DCLK2: variants seen among roughly 807,000 people sequenced by gnomAD.
DCLK2 encodes the protein doublecortin like kinase 2, also known as serine/threonine-protein kinase DCLK2.
A neutral mutation model predicts 78.4 loss-of-function variants in DCLK2; 31 were observed. The observed-to-expected ratio is 0.40, with a 90% CI of 0.30 to 0.53. The LOEUF (loss-of-function observed/expected upper bound fraction) is 0.53, where lower values mean the gene tolerates loss of function less well. DCLK2 is among the 20% of genes least tolerant of loss of function. The probability of loss-of-function intolerance (pLI) is 0.61; values close to 1 mark genes in which losing one functional copy is unlikely to be tolerated. For synonymous variants in DCLK2, 407 were observed against 374.9 expected (o/e 1.09, Z -0.99); for missense variants, 872 against 973.7 (o/e 0.90, Z 1.39).
intron 12 of DCLK2, among the ~76,000 whole-genome samples, chr4:150,244,710 A>G (rs976866877): frequency 6.6e-6 from 1 of 152,256 alleles, no homozygotes; most frequent in Non-Finnish European, 1.5e-5. Context: ...ATGACTGCTA[A>G]GAAAGATAAA....
At chr4:150,250,174 A>G (rs1743657806) in intron 15 of DCLK2, among the ~76,000 whole-genome samples, 1 of 152,222 alleles carries the variant, frequency 6.6e-6, no homozygotes, top group Non-Finnish European at 1.5e-5. Context: ...TTAAAGGTAC[A>G]TAATCAAGGA....
intron 2 of DCLK2, among the ~76,000 whole-genome samples, chr4:150,150,729 C>T (rs1313949304): frequency 6.6e-6 from 1 of 152,118 alleles, no homozygotes; most frequent in East Asian, 1.9e-4. Context: ...TGCCTAATGC[C>T]CCAAAATAGA....
At chr4:150,138,041 C>G (rs536095051) in intron 2 of DCLK2, among the ~76,000 whole-genome samples, 1 of 152,246 alleles carries the variant, frequency 6.6e-6, no homozygotes, top group South Asian at 2.1e-4. Context: ...GGGCTATGTT[C>G]ATGAAATTTT....
At chr4:150,086,653 C>T (rs1729670290) in intron 1 of DCLK2, among the ~76,000 whole-genome samples, 1 of 151,928 alleles carries the variant, frequency 6.6e-6, no homozygotes, top group African/African-American at 2.4e-5. Flanking sequence ...ACTACAGGCG[C>T]CCACCACCAC....
chr4:150,081,639 T>C (rs1729287263), intron 1 of DCLK2, among the ~76,000 whole-genome samples: 1 of 152,124 alleles, frequency 6.6e-6, no homozygotes, highest in Admixed American at 6.5e-5. Flanking sequence ...AATGGGTCTT[T>C]GTTTAATTCT....
intron 2 of DCLK2, among the ~76,000 whole-genome samples, chr4:150,169,725 T>C (rs1238425643): frequency 6.6e-6 from 1 of 151,476 alleles, no homozygotes; most frequent in African/African-American, 2.4e-5. Context: ...CATTTATGGA[T>C]AGAAATAGAA....
chr4:150,240,583 C>T (rs1282270742), intron 12 of DCLK2, 107 bp downstream of exon 12: 2 of 630,284 alleles, frequency 3.2e-6, no homozygotes, highest in Non-Finnish European at 4.7e-6. Flanking sequence ...ATTAAAAATG[C>T]CAGTTAAAAA....
At chr4:150,091,158 T>C (rs1730033840) in intron 1 of DCLK2, among the ~76,000 whole-genome samples, 2 of 152,220 alleles carry the variant, frequency 1.3e-5, no homozygotes, top group Non-Finnish European at 2.9e-5. Flanking sequence ...TGGGAACTCA[T>C]CTGTGATGTA....
intron 1 of DCLK2, among the ~76,000 whole-genome samples, chr4:150,084,502 A>G (rs1729515280): frequency 6.6e-6 from 1 of 152,334 alleles, no homozygotes; most frequent in South Asian, 2.1e-4. Flanking sequence ...AAACAAGGAA[A>G]ATAAGATGTG....
chr4:150,187,874 A>C (rs1425520338), intron 2 of DCLK2, among the ~76,000 whole-genome samples: 2 of 146,926 alleles, frequency 1.4e-5, no homozygotes, highest in East Asian at 4.0e-4. Flanking sequence ...ATCTCGGCTC[A>C]CTGCAACCTC....
chr4:150,187,249 T>C (rs1738025131), intron 2 of DCLK2, among the ~76,000 whole-genome samples: 1 of 152,114 alleles, frequency 6.6e-6, no homozygotes, highest in African/African-American at 2.4e-5. Flanking sequence ...TACTGCAGCC[T>C]CAAACTGCTT....
intron 8 of DCLK2, 83 bp from the exon 9 acceptor site, chr4:150,232,254 T>C: frequency 6.6e-7 from 1 of 1,512,330 alleles, no homozygotes; most frequent in Admixed American, 2.0e-5. Flanking sequence ...CCACAGGCTG[T>C]GTTTGTTTTG....
intron 2 of DCLK2, among the ~76,000 whole-genome samples, chr4:150,156,813 T>C (rs1735317475): frequency 6.6e-6 from 1 of 151,686 alleles, no homozygotes; most frequent in South Asian, 2.1e-4. Flanking sequence ...AGTCTTGCTC[T>C]GCTACCCAGG....
Position 150,203,818 on chromosome 4 carries a change from C to A in DCLK2, c.985C>A (p.Leu329Ile). 6.2e-7 allele frequency: 1 copy of A among 1,613,980 alleles called. No homozygotes were observed. The highest frequency in any genetic ancestry group is 1.1e-5 in the South Asian group (1 of 91,076). ...AGTTAATGGAACTCCCAGCAGCCAACTTTCTACTCCTAAATCTACGAAATC... is the reference window on the plus strand; with the variant it reads ...AGTTAATGGAACTCCCAGCAGCCAAATTTCTACTCCTAAATCTACGAAATC... ...ASVNGTPSSQ[L>I]STPKSTKSSS... Residue 329 changes from leucine (L) to isoleucine (I), a missense_variant, in exon 5 of 16, where the codon CTT becomes ATT. Coordinates refer to ENST00000296550, the MANE Select transcript of DCLK2 (RefSeq NM_001040260.4).
At chr4:150,243,150 A>T (rs1356458099) in intron 12 of DCLK2, among the ~76,000 whole-genome samples, 1 of 152,186 alleles carries the variant, frequency 6.6e-6, no homozygotes, top group African/African-American at 2.4e-5. Context: ...CTCAAATTGA[A>T]GAGGATGCAT....
At chr4:150,167,500 C>T (rs1186430777) in intron 2 of DCLK2, among the ~76,000 whole-genome samples, 2 of 152,142 alleles carry the variant, frequency 1.3e-5, no homozygotes, top group Non-Finnish European at 2.9e-5. Flanking sequence ...TAGATCTTAC[C>T]GTTATCCACA....
chr4:150,110,303 C>T (rs1290148721), intron 2 of DCLK2, among the ~76,000 whole-genome samples: 1 of 152,096 alleles, frequency 6.6e-6, no homozygotes, highest in Non-Finnish European at 1.5e-5. Context: ...TTACGCACTA[C>T]CAAATTTTGT....
intron 1 of DCLK2, among the ~76,000 whole-genome samples, chr4:150,097,172 CTT>C (rs35494411): frequency 0.021 from 2,837 of 133,874 alleles, 80 homozygotes; most frequent in African/African-American, 0.07. Flanking sequence ...AATTTCTAGC[CTT>C]TTTTTTTTTT....
intron 2 of DCLK2, among the ~76,000 whole-genome samples, chr4:150,168,927 T>TC (rs1172229795): frequency 6.6e-6 from 1 of 152,160 alleles, no homozygotes; most frequent in Non-Finnish European, 1.5e-5. Context: ...TTTGGCTTGA[T>TC]CTGGAGATGC....
Sources: allele counts gnomAD v4.1 joint callset (sites outside exome capture counted in the v4.1 genomes callset), GRCh38; gene constraint gnomAD v4.1.1; transcripts MANE v1.5; gene names NCBI Gene and HGNC (gene_info 2026-07-23, HGNC 2026-07-21).